Variants in BCAS4 observed in about 807,000 individuals in gnomAD.
BCAS4 encodes the protein breast carcinoma amplified sequence 4.
A neutral mutation model predicts 15.7 loss-of-function variants in BCAS4; 9 were observed. That is an observed-to-expected ratio of 0.57 (90% CI 0.34 to 1.00). The LOEUF (loss-of-function observed/expected upper bound fraction) is 1.00, where lower values mean the gene tolerates loss of function less well. Ranked by LOEUF, BCAS4 falls within the 50% of genes least tolerant of loss-of-function variation. BCAS4 has a pLI of 0.02. For synonymous variants in BCAS4, 101 were observed against 99.5 expected, an observed-to-expected ratio of 1.02 and a Z score of -0.09; for missense variants, 225 against 239.1, an observed-to-expected ratio of 0.94 and a Z score of 0.39.
chr20:50,861,839 T>C (rs1439455573), intron 4 of BCAS4, among the ~76,000 whole-genome samples: 5 of 149,952 alleles, frequency 3.3e-5, no homozygotes, highest in Non-Finnish European at 7.4e-5. Flanking sequence ...TCTTTCTTCT[T>C]CTTCTCCTTT....
chr20:50,794,983 G>T, upstream of BCAS4: 1 of 1,270,120 alleles, frequency 7.9e-7, no homozygotes, highest in Non-Finnish European at 9.9e-7. Flanking sequence ...CCGCCAGGCG[G>T]TCCGCGGGGC....
intron 4 of BCAS4, among the ~76,000 whole-genome samples, chr20:50,875,151 G>C (rs1188984333): frequency 6.6e-6 from 1 of 152,206 alleles, no homozygotes; most frequent in East Asian, 1.9e-4. Context: ...AGAGACATCT[G>C]ACCCCCTGGC....
chr20:50,861,931 GCAGC>G (rs2123837158), intron 4 of BCAS4, among the ~76,000 whole-genome samples: 1 of 133,848 alleles, frequency 7.5e-6, no homozygotes, highest in South Asian at 2.4e-4. Context: ...ATGGCTCACT[GCAGC>G]CTCCACCTCC....
intron 1 of BCAS4, among the ~76,000 whole-genome samples, chr20:50,809,734 T>C (rs539505295): frequency 6.6e-6 from 1 of 152,348 alleles, no homozygotes; most frequent in East Asian, 1.9e-4. Flanking sequence ...TACCCATCCA[T>C]GAGCATGGGA....
intron 4 of BCAS4, among the ~76,000 whole-genome samples, chr20:50,871,624 C>T (rs1303379033): frequency 6.6e-6 from 1 of 152,202 alleles, no homozygotes; most frequent in Admixed American, 6.5e-5. Flanking sequence ...CAGCCTTCAG[C>T]AAAATAGGGT....
intron 3 of BCAS4, among the ~76,000 whole-genome samples, chr20:50,831,901 T>G (rs1430899689): frequency 6.6e-6 from 1 of 152,232 alleles, no homozygotes; most frequent in African/African-American, 2.4e-5. Context: ...ATTAACATTC[T>G]TGTCAGCAGA....
chr20:50,796,977 C>G (rs565693675), intron 1 of BCAS4, among the ~76,000 whole-genome samples: 1 of 151,966 alleles, frequency 6.6e-6, no homozygotes, highest in African/African-American at 2.4e-5. Flanking sequence ...ACCACAGGTG[C>G]GCACCACCAT....
At chr20:50,840,944 C>T (rs2088472883) in intron 3 of BCAS4, 1 of 538,502 alleles carries the variant, frequency 1.9e-6, no homozygotes. Context: ...ATTTTCCTGT[C>T]TCAGCCTCCC....
intron 4 of BCAS4, among the ~76,000 whole-genome samples, chr20:50,846,029 A>G (rs1425334610): frequency 1.3e-5 from 2 of 152,212 alleles, no homozygotes; most frequent in Non-Finnish European, 1.5e-5. Context: ...CTGGCCTCTC[A>G]GCCCTACCTT....
At chr20:50,794,978 A>G, upstream of BCAS4, 5 of 1,245,712 alleles carry the variant, frequency 4.0e-6, no homozygotes, top group Non-Finnish European at 5.0e-6. Context: ...CGCCTCCGCC[A>G]GGCGGTCCGC....
chr20:50,863,115 C>A (rs1336338441), intron 4 of BCAS4, among the ~76,000 whole-genome samples: 1 of 151,780 alleles, frequency 6.6e-6, no homozygotes, highest in East Asian at 1.9e-4. Context: ...CAGGCATGAG[C>A]CACCATGCCT....
At chr20:50,841,146 C>A (rs1305319150) in intron 3 of BCAS4, among the ~76,000 whole-genome samples, 2 of 152,164 alleles carry the variant, frequency 1.3e-5, no homozygotes, top group African/African-American at 4.8e-5. Context: ...TTGAAACTGG[C>A]AGCTCTGCAC....
intron 2 of BCAS4, among the ~76,000 whole-genome samples, chr20:50,819,535 C>A (rs1277850799): frequency 6.6e-6 from 1 of 152,184 alleles, no homozygotes. Flanking sequence ...GAACGCCTTT[C>A]TTTGTGCCCG....
At chr20:50,852,855 A>G (rs1600889071) in intron 4 of BCAS4, among the ~76,000 whole-genome samples, 1 of 152,184 alleles carries the variant, frequency 6.6e-6, no homozygotes, top group South Asian at 2.1e-4. Context: ...GACCCAGGAC[A>G]TGAACTCGTG....
chr20:50,830,186 T>A, intron 2 of BCAS4, 93 bp from the exon 3 acceptor site: 1 of 964,460 alleles, frequency 1.0e-6, no homozygotes, highest in Non-Finnish European at 1.6e-6. Flanking sequence ...CAGCCATCAT[T>A]GGGGTCTGTG....
chr20:50,835,034 T>A (rs2088390423), intron 3 of BCAS4, among the ~76,000 whole-genome samples: 1 of 152,228 alleles, frequency 6.6e-6, no homozygotes, highest in Admixed American at 6.5e-5. Context: ...CAAGTTTTTG[T>A]GTAACATATG....
At chr20:50,849,259 G>A (rs1360025547) in intron 4 of BCAS4, among the ~76,000 whole-genome samples, 1 of 152,242 alleles carries the variant, frequency 6.6e-6, no homozygotes, top group Non-Finnish European at 1.5e-5. Context: ...GCTTCCCAGG[G>A]AAGCTCTTTG....
intron 3 of BCAS4, among the ~76,000 whole-genome samples, chr20:50,838,308 T>A (rs2088434937): frequency 6.6e-6 from 1 of 152,178 alleles, no homozygotes; most frequent in Non-Finnish European, 1.5e-5. Context: ...CATGAATAGA[T>A]AAGAATTTCA....
At chr20:50,830,801 G>T (rs1443085954) in intron 3 of BCAS4, among the ~76,000 whole-genome samples, 1 of 152,140 alleles carries the variant, frequency 6.6e-6, no homozygotes, top group African/African-American at 2.4e-5. Context: ...TGTGAGCATT[G>T]ATTGTGCCAC....
Sources: allele counts gnomAD v4.1 joint callset (sites outside exome capture counted in the v4.1 genomes callset), GRCh38; gene constraint gnomAD v4.1.1; transcripts MANE v1.5; gene names NCBI Gene and HGNC (gene_info 2026-07-23, HGNC 2026-07-21).